The following BNC2 variants were observed in gnomAD, a reference collection of about 807,000 sequenced individuals.
BNC2 encodes the protein basonuclin zinc finger protein 2.
A neutral mutation model predicts 76.3 loss-of-function variants in BNC2; 20 were observed. That is an observed-to-expected ratio of 0.26 (90% confidence interval 0.18 to 0.38). The LOEUF (loss-of-function observed/expected upper bound fraction) is 0.38, where lower values mean the gene tolerates loss of function less well. BNC2 is among the 10% of genes least tolerant of loss of function. The pLI is 1.00. For synonymous variants in BNC2, 582 were observed against 514.8 expected (o/e 1.13, Z -1.77); for missense variants, 1,382 against 1,399.8 (o/e 0.99, Z 0.20).
At chr9:16,620,748 A>G (rs1435306205) in intron 3 of BNC2, among the ~76,000 whole-genome samples, 1 of 152,186 alleles carries the variant, frequency 6.6e-6, no homozygotes, top group East Asian at 1.9e-4. Flanking sequence ...CATATGAACA[A>G]TGCTGATCAT....
intron 3 of BNC2, among the ~76,000 whole-genome samples, chr9:16,646,644 C>T (rs141520958): frequency 4.6e-5 from 7 of 152,132 alleles, no homozygotes; most frequent in East Asian, 1.9e-4. Flanking sequence ...GAAAATGATA[C>T]GTACTTTGGT....
At chr9:16,565,931 C>T (rs891252615) in intron 4 of BNC2, among the ~76,000 whole-genome samples, 3 of 149,250 alleles carry the variant, frequency 2.0e-5, no homozygotes, top group South Asian at 2.1e-4. Flanking sequence ...AAAGCCAATT[C>T]GGCCAGGACA....
intron 5 of BNC2, among the ~76,000 whole-genome samples, chr9:16,516,904 G>A (rs1388776105): frequency 6.6e-6 from 1 of 152,108 alleles, no homozygotes; most frequent in Non-Finnish European, 1.5e-5. Flanking sequence ...TGGTTTCTTT[G>A]ATTGTGAGCA....
chr9:16,590,208 T>C (rs1215555338), intron 3 of BNC2, among the ~76,000 whole-genome samples: 1 of 152,172 alleles, frequency 6.6e-6, no homozygotes, highest in Non-Finnish European at 1.5e-5. Context: ...ATTTTTCTTT[T>C]TGAGACAGAG....
intron 1 of BNC2, among the ~76,000 whole-genome samples, chr9:16,756,905 G>A (rs1825399645): frequency 6.6e-6 from 1 of 151,642 alleles, no homozygotes; most frequent in Non-Finnish European, 1.5e-5. Context: ...GCAGGAGAAT[G>A]GCCTGAACCC....
chr9:16,473,377 T>C (rs1405528364), intron 5 of BNC2: 2 of 152,078 alleles, frequency 1.3e-5, no homozygotes, highest in Non-Finnish European at 2.9e-5. Context: ...TATACAGGGA[T>C]ATGAGGTAGC....
rs71491692 is a variant in BNC2, at chr9:16,687,209, T to TA, written c.330+40587dup. Among the ~76,000 whole-genome samples, 22 of 150,328 alleles carry TA rather than the reference T, an allele frequency of 1.5e-4. No individual in the cohort carries two copies. In the South Asian group the frequency reaches 4.4e-3, roughly 30 times the overall value. ...GAATACATTTCCAAGAATTTAATTT[T>TA]AAAAAAAAATGTAATAACTACATTT... On this transcript the variant is annotated intron_variant, in intron 3 of 6. Coordinates refer to ENST00000380672, the MANE Select transcript of BNC2 (RefSeq NM_017637.6).
intron 1 of BNC2, among the ~76,000 whole-genome samples, chr9:16,831,532 G>C (rs1014972279): frequency 6.6e-6 from 1 of 152,166 alleles, no homozygotes; most frequent in Non-Finnish European, 1.5e-5. Flanking sequence ...CAAAATAATG[G>C]TTTTTCAGTG....
chr9:16,548,383 A>ATTCTTCTTCTTCTTC (rs555793995), intron 5 of BNC2, among the ~76,000 whole-genome samples: 1 of 150,894 alleles, frequency 6.6e-6, no homozygotes, highest in Non-Finnish European at 1.5e-5. Context: ...TGAACTAAGA[A>ATTCTTCTTCTTCTTC]TTCTTCTTCT....
intron 5 of BNC2, among the ~76,000 whole-genome samples, chr9:16,542,366 A>C (rs1002877488): frequency 6.6e-6 from 1 of 152,154 alleles, no homozygotes; most frequent in African/African-American, 2.4e-5. Context: ...GACTGAAAAA[A>C]AGAGAGAAAG....
At chr9:16,476,837 G>A (rs941101053) in intron 5 of BNC2, among the ~76,000 whole-genome samples, 13 of 152,016 alleles carry the variant, frequency 8.6e-5, no homozygotes, top group African/African-American at 3.1e-4. Flanking sequence ...TCCTGAAATC[G>A]TATTTTTGAA....
chr9:16,419,198 T>C lies in BNC2; in HGVS notation c.3091A>G (p.Ser1031Gly), dbSNP rs1284878193. ...GSLMFSSLSG[S>G]NGGIMCNICH... ...ATGTTGCACATGATCCCACCATTGCTCCCAGACAAGCTGCTGAACATAAGA... is the reference window on the plus strand; with the variant it reads ...ATGTTGCACATGATCCCACCATTGCCCCCAGACAAGCTGCTGAACATAAGA... Residue 1031 changes from serine (S) to glycine (G), a missense_variant, in exon 7 of 7, where the codon AGC becomes GGC. By Grantham distance (56) the Ser-to-Gly change is moderately conservative. This residue lies in a region of BNC2 where 798 missense variants were observed against 775.5 expected (regional missense o/e 1.03). Coordinates refer to ENST00000380672, the MANE Select transcript of BNC2 (RefSeq NM_017637.6). The C allele has an allele frequency of 1.8e-5, 29 of 1,614,022 alleles. No individual in the cohort carries two copies. The highest frequency in any genetic ancestry group is 2.5e-5 in the Non-Finnish European group (29 of 1,180,050).
chr9:16,457,548 C>T (rs1440309852), intron 5 of BNC2, among the ~76,000 whole-genome samples: 1 of 152,132 alleles, frequency 6.6e-6, no homozygotes, highest in South Asian at 2.1e-4. Flanking sequence ...ATTTCTCCAG[C>T]ATTAAATTGT....
At chr9:16,548,476 G>A (rs1818558072) in intron 5 of BNC2, among the ~76,000 whole-genome samples, 2 of 151,636 alleles carry the variant, frequency 1.3e-5, no homozygotes, top group African/African-American at 4.8e-5. Context: ...TACAATCTTG[G>A]CTCACTGCAA....
chr9:16,526,419 T>C (rs1817801977), intron 5 of BNC2, among the ~76,000 whole-genome samples: 1 of 148,384 alleles, frequency 6.7e-6, no homozygotes, highest in Non-Finnish European at 1.5e-5. Context: ...TTTAAAAACA[T>C]AATGTGTGTC....
At chr9:16,784,250 G>A (rs1018662535) in intron 1 of BNC2, among the ~76,000 whole-genome samples, 6 of 152,168 alleles carry the variant, frequency 3.9e-5, no homozygotes, top group Admixed American at 3.9e-4. Context: ...GATAATTAGG[G>A]TTCAGAGTAT....
intron 1 of BNC2, among the ~76,000 whole-genome samples, chr9:16,829,941 C>T (rs1394922872): frequency 6.6e-6 from 1 of 152,148 alleles, no homozygotes; most frequent in Non-Finnish European, 1.5e-5. Context: ...ATGAATCCAC[C>T]ACATTTTAAT....
Position 16,515,372 on chromosome 9 carries a change from G to A in BNC2, c.669+37158C>T, listed in dbSNP as rs939027636. Among the ~76,000 whole-genome samples the A allele has an allele frequency of 2.0e-5, 3 of 152,204 alleles. No individual in the cohort carries two copies. The South Asian group carries it at 6.2e-4, about 31-fold the overall frequency. ...CCCCTTGGCTAATGAAAGCTGTGCT[G>A]AAAGGAATGCTACGGGGCCTCTGGG... On this transcript the variant is annotated intron_variant, in intron 5 of 6. Transcript: ENST00000380672.
intron 4 of BNC2, among the ~76,000 whole-genome samples, chr9:16,577,437 C>T (rs1373024541): frequency 1.3e-5 from 2 of 151,864 alleles, no homozygotes; most frequent in Non-Finnish European, 2.9e-5. Context: ...AACCATAAAG[C>T]TGGTTGGTAT....
Sources: allele counts gnomAD v4.1 joint callset (sites outside exome capture counted in the v4.1 genomes callset), GRCh38; gene constraint gnomAD v4.1.1; regional missense constraint gnomAD v4.1.1; transcripts MANE v1.5; gene names NCBI Gene and HGNC (gene_info 2026-07-23, HGNC 2026-07-21).